The following SKAP1 variants were observed in gnomAD, a reference collection of about 807,000 sequenced individuals.
SKAP1 encodes src kinase-associated phosphoprotein 1.
A neutral mutation model predicts 58.5 loss-of-function variants in SKAP1; 44 were observed. The ratio of observed to expected loss-of-function variants is 0.75; its 90% confidence interval spans 0.59 to 0.97. The LOEUF (loss-of-function observed/expected upper bound fraction) is 0.97, where lower values mean the gene tolerates loss of function less well. SKAP1 is among the 50% of genes least tolerant of loss of function. The pLI, the probability that SKAP1 is intolerant of heterozygous loss-of-function variation, is 0.00. For missense variants in SKAP1, 390 were observed against 435.2 expected (o/e 0.90, Z 0.92); for synonymous variants, 127 against 149.7 (o/e 0.85, Z 1.11).
At chr17:48,164,968 C>T (rs2064116497) in intron 10 of SKAP1, among the ~76,000 whole-genome samples, 1 of 152,248 alleles carries the variant, frequency 6.6e-6, no homozygotes, top group African/African-American at 2.4e-5. Flanking sequence ...GACATGTATA[C>T]AGTACCTACT....
chr17:48,324,924 T>C (rs991498639), intron 4 of SKAP1, among the ~76,000 whole-genome samples: 1 of 152,054 alleles, frequency 6.6e-6, no homozygotes, highest in African/African-American at 2.4e-5. Context: ...ATGGTCAGCC[T>C]GATACATTTC....
At chr17:48,260,348 A>C (rs1317566466) in intron 4 of SKAP1, among the ~76,000 whole-genome samples, 5 of 152,188 alleles carry the variant, frequency 3.3e-5, no homozygotes, top group African/African-American at 1.2e-4. Context: ...TTAATGAAGA[A>C]TATCAATTGA....
At chr17:48,251,235 G>A (rs942992396) in intron 4 of SKAP1, among the ~76,000 whole-genome samples, 11 of 152,172 alleles carry the variant, frequency 7.2e-5, no homozygotes, top group Non-Finnish European at 1.3e-4. Flanking sequence ...TATTTCTTCC[G>A]TTAAAGTCTA....
intron 4 of SKAP1, among the ~76,000 whole-genome samples, chr17:48,291,397 T>C (rs1171179580): frequency 6.6e-6 from 1 of 152,208 alleles, no homozygotes; most frequent in East Asian, 1.9e-4. Flanking sequence ...CTGCCTCATC[T>C]ATTCTGCTTC....
chr17:48,420,812 T>C (rs1329156700), intron 1 of SKAP1, among the ~76,000 whole-genome samples: 1 of 152,184 alleles, frequency 6.6e-6, no homozygotes, highest in African/African-American at 2.4e-5. Context: ...GATGATTCTT[T>C]ACTGTGGAGG....
chr17:48,199,761 T>C (rs943322476), intron 4 of SKAP1, among the ~76,000 whole-genome samples: 1 of 151,954 alleles, frequency 6.6e-6, no homozygotes, highest in Non-Finnish European at 1.5e-5. Context: ...AAAAGAACGG[T>C]AGTTGTGGAC....
At chr17:48,209,497 T>C (rs1207335516) in intron 4 of SKAP1, among the ~76,000 whole-genome samples, 1 of 152,196 alleles carries the variant, frequency 6.6e-6, no homozygotes, top group Non-Finnish European at 1.5e-5. Flanking sequence ...CATGAAAATA[T>C]TGATTAGACT....
chr17:48,350,099 C>A (rs1052196301), intron 3 of SKAP1, among the ~76,000 whole-genome samples: 2 of 152,068 alleles, frequency 1.3e-5, no homozygotes, highest in African/African-American at 4.8e-5. Context: ...TAGTTCACAG[C>A]AAATCCGTTT....
the SKAP1 span, among the ~76,000 whole-genome samples, chr17:48,438,788 TG>T: frequency 1.3e-5 from 2 of 152,160 alleles, no homozygotes; most frequent in African/African-American, 4.8e-5. Flanking sequence ...CCTAGGAGTC[TG>T]TAGTCCCTTT....
At chr17:48,335,058 G>C (rs1451666868) in intron 4 of SKAP1, among the ~76,000 whole-genome samples, 1 of 151,494 alleles carries the variant, frequency 6.6e-6, no homozygotes, top group Non-Finnish European at 1.5e-5. Context: ...TTTTCATTTT[G>C]TTCTGCTATG....
chr17:48,155,310 T>C (rs926067462), intron 11 of SKAP1, among the ~76,000 whole-genome samples: 1 of 151,018 alleles, frequency 6.6e-6, no homozygotes, highest in Non-Finnish European at 1.5e-5. Flanking sequence ...GTATTTTTAG[T>C]AGAGATGGGG....
chr17:48,294,979 G>T (rs2065946859), intron 4 of SKAP1, among the ~76,000 whole-genome samples: 1 of 152,154 alleles, frequency 6.6e-6, no homozygotes, highest in African/African-American at 2.4e-5. Context: ...GCATGACAAA[G>T]GCTGCATCTA....
chr17:48,326,318 C>A (rs1416599324), intron 4 of SKAP1, among the ~76,000 whole-genome samples: 1 of 152,104 alleles, frequency 6.6e-6, no homozygotes, highest in African/African-American at 2.4e-5. Flanking sequence ...TCATATTATT[C>A]TTAAAATCAT....
chr17:48,379,805 C>T (rs1210210190), intron 2 of SKAP1, among the ~76,000 whole-genome samples: 1 of 151,870 alleles, frequency 6.6e-6, no homozygotes, highest in Non-Finnish European at 1.5e-5. Context: ...CCTCGGCCTC[C>T]TGAGTAGCTG....
chr17:48,235,100 CAA>C, intron 4 of SKAP1, among the ~76,000 whole-genome samples: 1 of 152,214 alleles, frequency 6.6e-6, no homozygotes, highest in African/African-American at 2.4e-5. Context: ...ACAGAGGAGA[CAA>C]AGACTGAGCT....
upstream of SKAP1, among the ~76,000 whole-genome samples, chr17:48,433,503 C>A (rs967658467): frequency 6.6e-6 from 1 of 152,160 alleles, no homozygotes; most frequent in African/African-American, 2.4e-5. Context: ...CTTTTCTTCC[C>A]GTCCCCCCCA....
At chr17:48,275,241 C>T (rs748105490) in intron 4 of SKAP1, among the ~76,000 whole-genome samples, 5 of 152,184 alleles carry the variant, frequency 3.3e-5, no homozygotes, top group Non-Finnish European at 7.3e-5. Context: ...CAGTGACCTG[C>T]TAATTGTCAA....
At chr17:48,425,816 A>G (rs1397929248) in intron 1 of SKAP1, among the ~76,000 whole-genome samples, 1 of 152,262 alleles carries the variant, frequency 6.6e-6, no homozygotes, top group Non-Finnish European at 1.5e-5. Context: ...TAATGAAAAT[A>G]AAAATATAAA....
intron 4 of SKAP1, chr17:48,308,509 G>A (rs539650149): frequency 6.6e-6 from 1 of 152,254 alleles, no homozygotes; most frequent in East Asian, 1.9e-4. Context: ...ATACTGCAAG[G>A]CTTTAAAAGG....
Sources: gnomAD v4.1 joint callset for allele counts (sites outside exome capture counted in the v4.1 genomes callset) on GRCh38, gnomAD v4.1.1 for gene constraint, MANE v1.5 for transcripts, NCBI Gene and HGNC (gene_info 2026-07-23, HGNC 2026-07-21) for gene names.